Variants in CSMD1 observed in about 807,000 individuals in gnomAD.
CSMD1 encodes CUB and Sushi multiple domains 1, also known as CUB and sushi domain-containing protein 1.
A neutral mutation model predicts 417.5 loss-of-function variants in CSMD1; 213 were observed. That is an observed-to-expected ratio of 0.51 (90% confidence interval 0.46 to 0.57). CSMD1 has a LOEUF of 0.57. Among genes scored for constraint, CSMD1 ranks in the 20% least tolerant of loss-of-function variants. CSMD1 has a pLI of 0.00. For missense variants in CSMD1, 6,923 were observed against 4,529.7 expected (o/e 1.53, Z -15.17); for synonymous variants, 2,862 against 1,736.8 (o/e 1.65, Z -16.11).
At chr8:4,679,035 G>C (rs913750899) in intron 1 of CSMD1, among the ~76,000 whole-genome samples, 1 of 152,170 alleles carries the variant, frequency 6.6e-6, no homozygotes, top group African/African-American at 2.4e-5. Flanking sequence ...ATGGTTCATT[G>C]TTTGCCCAGA....
At chr8:4,488,849 T>C (rs941197621) in intron 2 of CSMD1, among the ~76,000 whole-genome samples, 1 of 152,224 alleles carries the variant, frequency 6.6e-6, no homozygotes, top group Non-Finnish European at 1.5e-5. Flanking sequence ...CTGATTCCCC[T>C]GTCCTTATGA....
At chr8:4,107,679 C>G (rs906166834) in intron 3 of CSMD1, among the ~76,000 whole-genome samples, 7 of 152,140 alleles carry the variant, frequency 4.6e-5, no homozygotes, top group Admixed American at 2.6e-4. Flanking sequence ...TCATCTGTGT[C>G]CAACATGACA....
chr8:4,134,625 A>T (rs935315049), intron 3 of CSMD1, among the ~76,000 whole-genome samples: 14 of 152,170 alleles, frequency 9.2e-5, no homozygotes, highest in Non-Finnish European at 1.9e-4. Flanking sequence ...GTGCTACCTG[A>T]TTCTCTGATT....
At chr8:3,376,701 G>C (rs928408820) in intron 18 of CSMD1, among the ~76,000 whole-genome samples, 1 of 152,050 alleles carries the variant, frequency 6.6e-6, no homozygotes, top group Non-Finnish European at 1.5e-5. Context: ...ATGTGTGAAA[G>C]AGTAATGTTA....
chr8:3,978,085 G>A (rs1813577777), intron 5 of CSMD1, among the ~76,000 whole-genome samples: 3 of 152,186 alleles, frequency 2.0e-5, no homozygotes, highest in Non-Finnish European at 4.4e-5. Context: ...GTGAAACTCG[G>A]TGTCTGTGAG....
chr8:4,102,372 G>T (rs184820340), intron 3 of CSMD1, among the ~76,000 whole-genome samples: 3 of 152,152 alleles, frequency 2.0e-5, no homozygotes, highest in East Asian at 3.9e-4. Flanking sequence ...AGAGAAACTG[G>T]ACATTGGTAA....
rs558950783 is a variant in CSMD1 at position 3,351,519 on chromosome 8, C to T, written c.3305-3358G>A. Among the ~76,000 whole-genome samples the T allele has an allele frequency of 1.1e-4, 16 of 150,812 alleles. 1 individual carries two copies. The highest frequency in any genetic ancestry group is 2.2e-4 in the Non-Finnish European group (15 of 67,834). On this transcript the variant is annotated intron_variant, in intron 21 of 69. Coordinates refer to ENST00000635120, the MANE Select transcript of CSMD1 (RefSeq NM_033225.6). ...CCAGCTACTTCGGAGGCTGCTTGAA[C>T]CCAGGAAGCAGAAGTTACAGTGAGC...
At chr8:3,693,539 C>T (rs151001501) in intron 7 of CSMD1, among the ~76,000 whole-genome samples, 3 of 152,276 alleles carry the variant, frequency 2.0e-5, no homozygotes, top group East Asian at 3.9e-4. Context: ...CATATCGTTA[C>T]TGAGCCCTAC....
chr8:4,277,835 C>T (rs1040905541), intron 3 of CSMD1, among the ~76,000 whole-genome samples: 3 of 152,210 alleles, frequency 2.0e-5, no homozygotes, highest in South Asian at 4.2e-4. Flanking sequence ...GCAAGGTCTG[C>T]CTCCCTGGTT....
chr8:3,468,389 G>C (rs935286047), intron 12 of CSMD1, among the ~76,000 whole-genome samples: 6 of 152,098 alleles, frequency 3.9e-5, no homozygotes, highest in African/African-American at 7.2e-5. Context: ...ATAAAAGAAG[G>C]TTTTCAGAGA....
At chr8:4,984,585 G>A (rs987988913) in intron 1 of CSMD1, among the ~76,000 whole-genome samples, 12 of 152,190 alleles carry the variant, frequency 7.9e-5, no homozygotes, top group African/African-American at 2.7e-4. Flanking sequence ...AGTTCATGAT[G>A]TTGTTCCTGT....
intron 44 of CSMD1, 47 bp downstream of exon 44, chr8:3,108,556 C>T (rs375040528): frequency 3.1e-6 from 5 of 1,598,804 alleles, no homozygotes; most frequent in East Asian, 2.3e-5. Flanking sequence ...GCAGGAAACA[C>T]CACATGGAAT....
intron 1 of CSMD1, among the ~76,000 whole-genome samples, chr8:4,740,846 G>T (rs916929590): frequency 3.3e-5 from 5 of 152,112 alleles, no homozygotes; most frequent in Non-Finnish European, 7.4e-5. Flanking sequence ...TAAAGAACAC[G>T]AACTTTAACG....
chr8:4,422,620 G>T (rs547997466), intron 2 of CSMD1, among the ~76,000 whole-genome samples: 1 of 152,094 alleles, frequency 6.6e-6, no homozygotes, highest in South Asian at 2.1e-4. Flanking sequence ...TCAGACTCCA[G>T]AACTGTGAAA....
chr8:4,114,450 G>A (rs562474905), intron 3 of CSMD1, among the ~76,000 whole-genome samples: 2 of 152,286 alleles, frequency 1.3e-5, no homozygotes, highest in African/African-American at 2.4e-5. Flanking sequence ...GAAGAGCTTG[G>A]ACAGAGATGC....
At chr8:4,443,115 A>G (rs1043693045) in intron 2 of CSMD1, among the ~76,000 whole-genome samples, 1 of 152,170 alleles carries the variant, frequency 6.6e-6, no homozygotes, top group African/African-American at 2.4e-5. Context: ...AAGGGCTGTA[A>G]AAAGTGGTAG....
intron 5 of CSMD1, among the ~76,000 whole-genome samples, chr8:3,956,831 G>C (rs60055513): frequency 0.15 from 22,403 of 152,130 alleles, 1,999 homozygotes; most frequent in African/African-American, 0.24. Context: ...AAGGAAGAGA[G>C]AATGTTGGTG....
At chr8:4,547,364 G>A (rs190662784) in intron 2 of CSMD1, among the ~76,000 whole-genome samples, 2 of 152,134 alleles carry the variant, frequency 1.3e-5, no homozygotes, top group East Asian at 1.9e-4. Flanking sequence ...TCTAAAACAC[G>A]TATCTGAAAA....
At chr8:3,390,433 C>CAATACATTATGATAAGACCAGTCTTATCA in intron 17 of CSMD1, among the ~76,000 whole-genome samples, 1 of 137,046 alleles carries the variant, frequency 7.3e-6, no homozygotes, top group Non-Finnish European at 1.6e-5. Flanking sequence ...TTATGATAAA[C>CAATACATTATGATAAGACCAGTCTTATCA]TAAGACCAGT....
Sources: gnomAD v4.1 joint callset for allele counts (sites outside exome capture counted in the v4.1 genomes callset) on GRCh38, gnomAD v4.1.1 for gene constraint, MANE v1.5 for transcripts, NCBI Gene and HGNC (gene_info 2026-07-23, HGNC 2026-07-21) for gene names.